Variants in NPFFR2 observed in about 807,000 individuals in gnomAD.
NPFFR2 encodes the protein G-protein coupled receptor 74.
NPFFR2 carries 15 observed loss-of-function variants against 13.1 expected under a neutral mutation model. That is an observed-to-expected ratio of 1.15 (90% CI 0.77 to 1.76). The LOEUF is 1.76. Ranked by LOEUF, NPFFR2 falls within the 40% of genes most tolerant of loss-of-function variation. The probability of loss-of-function intolerance (pLI) is 0.00; values close to 1 mark genes in which losing one functional copy is unlikely to be tolerated. For missense variants in NPFFR2, 572 were observed against 503.5 expected (o/e 1.14, Z -1.30); for synonymous variants, 190 against 175.7 (o/e 1.08, Z -0.65).
intron 1 of NPFFR2, among the ~76,000 whole-genome samples, chr4:72,050,155 G>A (rs922093615): frequency 2.6e-5 from 4 of 152,056 alleles, no homozygotes; most frequent in African/African-American, 4.8e-5. Context: ...AATCAAAGGA[G>A]TTTGGAGATT....
intron 1 of NPFFR2, among the ~76,000 whole-genome samples, chr4:72,095,735 G>T (rs906407226): frequency 2.0e-5 from 3 of 152,122 alleles, no homozygotes; most frequent in African/African-American, 7.2e-5. Flanking sequence ...CACTTTCTGT[G>T]CAGCTCTCAC....
At chr4:72,043,208 A>G (rs1360067350) in intron 1 of NPFFR2, among the ~76,000 whole-genome samples, 1 of 152,188 alleles carries the variant, frequency 6.6e-6, no homozygotes, top group Non-Finnish European at 1.5e-5. Context: ...TAGATTTCAA[A>G]GAATGTATGG....
chr4:72,040,524 A>G (rs1159044587), intron 1 of NPFFR2, among the ~76,000 whole-genome samples: 1 of 152,114 alleles, frequency 6.6e-6, no homozygotes, highest in Non-Finnish European at 1.5e-5. Context: ...TGCTTTGATT[A>G]TATTTGCCAT....
chr4:72,040,316 GA>G lies in NPFFR2; in HGVS notation c.-8+8117del, dbSNP rs541227497. On this transcript the variant is annotated intron_variant, in intron 1 of 3. Transcript: ENST00000308744. ...TTAGCATGGGTTTTTAATTCAAGTG[GA>G]GTTTTAAAACACATGCCATAAATAG... Among the ~76,000 whole-genome samples, 54 of 152,140 alleles carry G rather than the reference GA, an allele frequency of 3.5e-4. No homozygotes were observed. In the East Asian group the frequency reaches 7.7e-3, roughly 22 times the overall value.
intron 1 of NPFFR2, among the ~76,000 whole-genome samples, chr4:72,065,908 G>A (rs1290800533): frequency 6.6e-6 from 1 of 152,130 alleles, no homozygotes; most frequent in African/African-American, 2.4e-5. Context: ...ATCCCCTAGT[G>A]AATTAATGAA....
At chr4:72,142,453 C>G (rs756183897) in intron 3 of NPFFR2, among the ~76,000 whole-genome samples, 5 of 152,082 alleles carry the variant, frequency 3.3e-5, no homozygotes, top group African/African-American at 7.2e-5. Flanking sequence ...TCCAACCAGT[C>G]CCAGTGAGAT....
At chr4:72,141,096 A>ATCG (rs1176237362) in intron 3 of NPFFR2, among the ~76,000 whole-genome samples, 2 of 151,948 alleles carry the variant, frequency 1.3e-5, no homozygotes, top group Admixed American at 1.3e-4. Flanking sequence ...CTGTGGGATC[A>ATCG]GTGGTGATAT....
At chr4:72,102,073 T>C (rs1335058707) in intron 1 of NPFFR2, among the ~76,000 whole-genome samples, 3 of 152,086 alleles carry the variant, frequency 2.0e-5, no homozygotes, top group Non-Finnish European at 4.4e-5. Context: ...TCATATAAAT[T>C]GGAATTTTAT....
intron 1 of NPFFR2, among the ~76,000 whole-genome samples, chr4:72,085,910 A>G (rs1015571150): frequency 6.6e-6 from 1 of 152,142 alleles, no homozygotes; most frequent in African/African-American, 2.4e-5. Flanking sequence ...AAATCTAAGA[A>G]GAAACAATGG....
At chr4:72,044,004 CG>C (rs1396337166) in intron 1 of NPFFR2, among the ~76,000 whole-genome samples, 1 of 152,118 alleles carries the variant, frequency 6.6e-6, no homozygotes, top group Non-Finnish European at 1.5e-5. Context: ...AATTGAATCA[CG>C]GGGGCACTTA....
chr4:72,069,761 A>C (rs755814373), intron 1 of NPFFR2, among the ~76,000 whole-genome samples: 15 of 152,206 alleles, frequency 9.9e-5, no homozygotes, highest in Non-Finnish European at 1.5e-4. Context: ...TTCACAGTAA[A>C]GTAAATTTAA....
chr4:72,066,220 G>T (rs763212402), intron 1 of NPFFR2, among the ~76,000 whole-genome samples: 1 of 152,092 alleles, frequency 6.6e-6, no homozygotes, highest in African/African-American at 2.4e-5. Context: ...AGGCATAAGG[G>T]CAAGAGGGCC....
intron 1 of NPFFR2, among the ~76,000 whole-genome samples, chr4:72,046,733 G>C (rs1055391468): frequency 6.6e-6 from 1 of 152,158 alleles, no homozygotes; most frequent in Non-Finnish European, 1.5e-5. Context: ...TGTGAATGTA[G>C]CATTAAAGGC....
intron 1 of NPFFR2, among the ~76,000 whole-genome samples, chr4:72,080,305 G>C (rs921708244): frequency 9.9e-5 from 15 of 151,870 alleles, no homozygotes; most frequent in Admixed American, 5.9e-4. Context: ...CCTGGGATTA[G>C]AGGTGCTCAC....
intron 1 of NPFFR2, among the ~76,000 whole-genome samples, chr4:72,040,234 C>T (rs1719168768): frequency 6.6e-6 from 1 of 151,932 alleles, no homozygotes; most frequent in Non-Finnish European, 1.5e-5. Context: ...TTTCTTATTG[C>T]TGCATTAGAC....
At chr4:72,083,519 A>C (rs1351684498) in intron 1 of NPFFR2, among the ~76,000 whole-genome samples, 7 of 40 alleles carry the variant, frequency 0.17, no homozygotes, top group Non-Finnish European at 0.32. Flanking sequence ...TTTTTGAAAT[A>C]ACTTTATTGG....
intron 1 of NPFFR2, among the ~76,000 whole-genome samples, chr4:72,126,876 A>C (rs1050207772): frequency 6.6e-6 from 1 of 152,164 alleles, no homozygotes; most frequent in Non-Finnish European, 1.5e-5. Context: ...CCCCATGTAC[A>C]TTTTCCATTC....
rs141779896 is a variant in NPFFR2 at position 72,032,094 on chromosome 4, C to A, written c.-114C>A. Reference sequence around the variant, plus strand: ...GGACAGACGTCGGCTGGGATTGAGCCGGCAGACTGCGAAAAGTAGCTGGAG... The same window carrying A: ...GGACAGACGTCGGCTGGGATTGAGCAGGCAGACTGCGAAAAGTAGCTGGAG... On this transcript the variant is annotated 5_prime_UTR_variant, in exon 1 of 4. Coordinates refer to ENST00000308744, the MANE Select transcript of NPFFR2 (RefSeq NM_004885.3). 3 of 1,613,928 alleles carry A rather than the reference C, an allele frequency of 1.9e-6. No individual in the cohort carries two copies. Among genetic ancestry groups the A allele is most frequent in the Non-Finnish European group, 2.5e-6 (3 of 1,179,966 alleles).
rs965025123 is a variant in NPFFR2 at position 72,146,682 on chromosome 4, G to A, written c.429-296G>A. 3.0e-5 allele frequency: 9 copies of A among 297,190 alleles called. No individual in the cohort carries two copies. The East Asian group carries it at 3.7e-4, about 12-fold the overall frequency. 18.4% of individuals were successfully genotyped at this position (297,190 alleles called of 1,614,324 possible). On this transcript the variant is annotated intron_variant, in intron 3 of 3. Coordinates refer to ENST00000308744, the MANE Select transcript of NPFFR2 (RefSeq NM_004885.3). ...TTTAAGCAAGGAGGCTTAAAGAGAC[G>A]GTCCATGCAAATTAATGGAACAGAG...
Sources: gnomAD v4.1 joint callset for allele counts (sites outside exome capture counted in the v4.1 genomes callset) on GRCh38, gnomAD v4.1.1 for gene constraint, MANE v1.5 for transcripts, NCBI Gene and HGNC (gene_info 2026-07-23, HGNC 2026-07-21) for gene names.